The following ATP11B variants were observed in gnomAD, a reference collection of about 807,000 sequenced individuals.
ATP11B encodes phospholipid-transporting ATPase IF.
A neutral mutation model predicts 157.8 loss-of-function variants in ATP11B; 81 were observed. The ratio of observed to expected loss-of-function variants is 0.51; its 90% CI spans 0.43 to 0.62. ATP11B has a LOEUF of 0.62. Ranked by LOEUF, ATP11B falls within the 20% of genes least tolerant of loss-of-function variation. ATP11B has a pLI of 0.00. For synonymous variants in ATP11B, 451 were observed against 469.4 expected, an observed-to-expected ratio of 0.96 and a Z score of 0.51; for missense variants, 1,165 against 1,402.2, an observed-to-expected ratio of 0.83 and a Z score of 2.70.
chr3:182,826,085 C>A (rs1248458576), intron 2 of ATP11B, among the ~76,000 whole-genome samples: 3 of 152,098 alleles, frequency 2.0e-5, no homozygotes. Flanking sequence ...AAATTATTTT[C>A]TTAGCAGTAT....
rs531529127 is a variant in ATP11B, at chr3:182,884,918, A to C, written c.2655+20A>C. ...TATAAGGTGAGTTTCATGTATTTAG[A>C]ATCAATTATTGATATAGTAATATGA... On this transcript the variant is annotated intron_variant, in intron 22 of 29. Coordinates refer to ENST00000323116, the MANE Select transcript of ATP11B (RefSeq NM_014616.3). 2.4e-6 allele frequency: 3 copies of C among 1,274,088 alleles called. No homozygotes were observed. The East Asian group carries it at 7.4e-5, about 31-fold the overall frequency. The allele number at this position is 1,274,088 out of a possible 1,614,324, so 78.9% of individuals were successfully genotyped here. A position where few individuals can be genotyped will look rare whatever the true frequency, so the allele number is the denominator to read the frequency against.
At chr3:182,890,385 A>T (rs747884044) in intron 25 of ATP11B, among the ~76,000 whole-genome samples, 8 of 152,218 alleles carry the variant, frequency 5.3e-5, no homozygotes, top group Non-Finnish European at 7.3e-5. Flanking sequence ...ATAAAGTTTT[A>T]TCTGCTCAAC....
At chr3:182,805,945 A>G (rs1044861808) in intron 1 of ATP11B, among the ~76,000 whole-genome samples, 3 of 152,186 alleles carry the variant, frequency 2.0e-5, no homozygotes, top group African/African-American at 4.8e-5. Context: ...TTTAATTAAT[A>G]TGGTAATTTT....
At chr3:182,883,629 G>C (rs949932594) in intron 21 of ATP11B, among the ~76,000 whole-genome samples, 6 of 151,746 alleles carry the variant, frequency 4.0e-5, no homozygotes, top group South Asian at 2.1e-4. Flanking sequence ...TACACACACA[G>C]ACATGAAATA....
rs1717246866 is a variant in ATP11B, at chr3:182,820,276, A to G, written c.44A>G (p.His15Arg). Residue 15 changes from histidine to arginine, a missense_variant, in exon 2 of 30, where the codon CAT (histidine) becomes CGT (arginine). Physicochemically the swap from His to Arg is conservative, Grantham distance 29. Transcript: ENST00000323116. ...TGGTCTTAGGGTTTTGACCCACCACATCAGAGTGACACAAGAACCATCTAC... is the reference window on the plus strand; with the variant it reads ...TGGTCTTAGGGTTTTGACCCACCACGTCAGAGTGACACAAGAACCATCTAC... ...IRQQLGFDPP[H>R]QSDTRTIYVA... 1.2e-6 allele frequency: 2 copies of G among 1,613,742 alleles called. No homozygotes were observed. Among genetic ancestry groups the G allele is most frequent in the Non-Finnish European group, 8.5e-7 (1 of 1,179,718 alleles).
chr3:182,903,606 G>A (rs991286160), intron 28 of ATP11B, among the ~76,000 whole-genome samples: 4 of 152,116 alleles, frequency 2.6e-5, no homozygotes, highest in African/African-American at 9.7e-5. Context: ...AATTACAGAT[G>A]AGTATACAAA....
At chr3:182,822,092 A>G (rs1224848704) in intron 2 of ATP11B, among the ~76,000 whole-genome samples, 4 of 151,768 alleles carry the variant, frequency 2.6e-5, no homozygotes, top group Non-Finnish European at 5.9e-5. Flanking sequence ...GATGAGCTTT[A>G]GATTAGTGAC....
rs1433999363 is a variant in ATP11B, at chr3:182,887,614, T to C, written c.2744T>C (p.Leu915Ser). 6.2e-7 allele frequency: 1 copy of C among 1,612,368 alleles called. No homozygotes were observed. Among genetic ancestry groups the C allele is most frequent in the Non-Finnish European group, 8.5e-7 (1 of 1,179,424 alleles). The change falls in exon 24 of 30, where the codon TTA becomes TCA. Residue 915 changes from leucine to serine, a missense_variant. Physicochemically the swap from Leu to Ser is moderately radical, Grantham distance 145. This residue lies in a region of ATP11B where 737 missense variants were observed against 930.5 expected (regional missense o/e 0.79). Transcript: ENST00000323116. ...TTGTATGACAGCGTGTACCTGACTT[T>C]ATACAATATTTGTTTTACTTCCCTA... Reference protein sequence around the residue: ...QTLYDSVYLTLYNICFTSLPI... With the variant: ...QTLYDSVYLTSYNICFTSLPI...
At chr3:182,851,094 G>C (rs551044779) in intron 10 of ATP11B, among the ~76,000 whole-genome samples, 1 of 152,054 alleles carries the variant, frequency 6.6e-6, no homozygotes, top group Non-Finnish European at 1.5e-5. Context: ...GGAGTTCAAG[G>C]CCAATCTAGT....
At chr3:182,804,468 C>T (rs998522351) in intron 1 of ATP11B, among the ~76,000 whole-genome samples, 3 of 152,014 alleles carry the variant, frequency 2.0e-5, no homozygotes, top group East Asian at 1.9e-4. Flanking sequence ...CTCCTGGCCT[C>T]GTGATCCGCT....
intron 12 of ATP11B, 54 bp from the exon 13 acceptor site, chr3:182,865,402 A>C: frequency 6.5e-7 from 1 of 1,546,802 alleles, no homozygotes; most frequent in Non-Finnish European, 8.7e-7. Flanking sequence ...TTTCTTGTTT[A>C]ACATAGGACC....
chr3:182,809,335 G>C (rs1356268655), intron 1 of ATP11B, among the ~76,000 whole-genome samples: 1 of 151,960 alleles, frequency 6.6e-6, no homozygotes. Flanking sequence ...TGCAACCTCC[G>C]CCTCCTGGGT....
At chr3:182,846,018 G>C (rs1309891591) in intron 9 of ATP11B, among the ~76,000 whole-genome samples, 2 of 152,202 alleles carry the variant, frequency 1.3e-5, no homozygotes, top group African/African-American at 4.8e-5. Flanking sequence ...CTTGGAGATG[G>C]ATCAAAAGGA....
At position 182,858,321 on chromosome 3, in the gene ATP11B, C is replaced by A. The variant is rs551006439; in HGVS notation, c.1002+293C>A. 7.9e-5 allele frequency among the ~76,000 whole-genome samples: 12 copies of A among 152,250 alleles called. No individual in the cohort carries two copies. In the East Asian group the frequency reaches 2.3e-3, roughly 29 times the overall value. On this transcript the variant is annotated intron_variant, in intron 11 of 29. Coordinates refer to ENST00000323116, the MANE Select transcript of ATP11B (RefSeq NM_014616.3). The stretch of plus-strand genomic sequence containing the variant: ...GCATTTCACATTAATACTACAAACT[C>A]AATTTTCTCTTCCACTTACTGTGTC...
At chr3:182,872,105 G>A (rs561543656) in intron 17 of ATP11B, among the ~76,000 whole-genome samples, 22 of 152,276 alleles carry the variant, frequency 1.4e-4, no homozygotes, top group African/African-American at 4.6e-4. Context: ...GTGAGCCACC[G>A]CACCCAGCCT....
At chr3:182,875,239 G>C (rs986042451) in intron 19 of ATP11B, among the ~76,000 whole-genome samples, 5 of 152,070 alleles carry the variant, frequency 3.3e-5, no homozygotes, top group Non-Finnish European at 4.4e-5. Context: ...GTTGTTTGCT[G>C]TCTTGTGATA....
At chr3:182,898,073 A>G (rs1242011281) in intron 27 of ATP11B, among the ~76,000 whole-genome samples, 2 of 152,050 alleles carry the variant, frequency 1.3e-5, no homozygotes, top group African/African-American at 2.4e-5. Flanking sequence ...ATTAACTTCT[A>G]TTTAGGATCA....
chr3:182,816,729 A>G (rs932701926), intron 1 of ATP11B, among the ~76,000 whole-genome samples: 2 of 152,224 alleles, frequency 1.3e-5, no homozygotes, highest in Admixed American at 1.3e-4. Context: ...TCATCATGCA[A>G]AGCTCATGAA....
intron 29 of ATP11B, chr3:182,915,659 T>C: frequency 1.0e-6 from 1 of 969,146 alleles, no homozygotes; most frequent in Non-Finnish European, 1.2e-6. Context: ...CCCCAGATTT[T>C]TTCTGCTATA....
Sources: gnomAD v4.1 joint callset for allele counts (sites outside exome capture counted in the v4.1 genomes callset) on GRCh38, gnomAD v4.1.1 for gene constraint, gnomAD v4.1.1 regional missense constraint, MANE v1.5 for transcripts, NCBI Gene and HGNC (gene_info 2026-07-23, HGNC 2026-07-21) for gene names.